TRPC6: variants seen among roughly 807,000 people sequenced by gnomAD.
The protein encoded by TRPC6 is short transient receptor potential channel 6.
TRPC6 carries 55 observed loss-of-function variants against 90.7 expected under a neutral mutation model. That is an observed-to-expected ratio of 0.61 (90% CI 0.49 to 0.76). The LOEUF (loss-of-function observed/expected upper bound fraction) is 0.76. Ranked by LOEUF, TRPC6 falls within the 30% of genes least tolerant of loss-of-function variation. The pLI, the probability that TRPC6 is intolerant of heterozygous loss-of-function variation, is 0.00. For synonymous variants in TRPC6, 393 were observed against 393.0 expected (o/e 1.00, Z 0.00); for missense variants, 989 against 1,122.7 (o/e 0.88, Z 1.70).
At chr11:101,573,542 T>G (rs191919774) in intron 1 of TRPC6, among the ~76,000 whole-genome samples, 1 of 152,282 alleles carries the variant, frequency 6.6e-6, no homozygotes, top group Non-Finnish European at 1.5e-5. Flanking sequence ...ATCTGTGTTT[T>G]CAAGTTAGCT....
intron 1 of TRPC6, among the ~76,000 whole-genome samples, chr11:101,518,137 TG>T (rs1265353236): frequency 6.6e-6 from 1 of 152,222 alleles, no homozygotes; most frequent in African/African-American, 2.4e-5. Context: ...GCCAGATTTT[TG>T]CCACCATTTC....
At chr11:101,580,083 C>G (rs752675088) in intron 1 of TRPC6, among the ~76,000 whole-genome samples, 1 of 152,112 alleles carries the variant, frequency 6.6e-6, no homozygotes, top group Non-Finnish European at 1.5e-5. Context: ...TTCAGATTGT[C>G]TCAGTCAGCT....
At chr11:101,471,048 G>T in intron 9 of TRPC6, 135 bp downstream of exon 9, 1 of 799,390 alleles carries the variant, frequency 1.3e-6, no homozygotes, top group Non-Finnish European at 2.1e-6. Context: ...AAAGGACTGT[G>T]CTGTGTGAAG....
chr11:101,494,014 T>A (rs1269269996), intron 2 of TRPC6, among the ~76,000 whole-genome samples: 1 of 152,216 alleles, frequency 6.6e-6, no homozygotes, highest in Non-Finnish European at 1.5e-5. Flanking sequence ...AATTGTGTCT[T>A]ACCTGAGAAT....
chr11:101,562,931 C>A (rs893870724), intron 1 of TRPC6, among the ~76,000 whole-genome samples: 7 of 152,112 alleles, frequency 4.6e-5, no homozygotes, highest in African/African-American at 1.7e-4. Context: ...TGGATTCCTA[C>A]GTGTAAAACG....
intron 10 of TRPC6, among the ~76,000 whole-genome samples, chr11:101,457,882 ATATC>A (rs1858920996): frequency 6.6e-6 from 1 of 152,226 alleles, no homozygotes; most frequent in Non-Finnish European, 1.5e-5. Context: ...AGAAAGATAA[ATATC>A]TACTATGTGG....
At chr11:101,509,083 G>T (rs1170945990) in intron 1 of TRPC6, among the ~76,000 whole-genome samples, 1 of 150,780 alleles carries the variant, frequency 6.6e-6, no homozygotes, top group African/African-American at 2.4e-5. Context: ...GAAGACCCAT[G>T]AAAAAAAGGC....
intron 1 of TRPC6, among the ~76,000 whole-genome samples, chr11:101,529,920 T>C (rs1860869186): frequency 6.6e-6 from 1 of 152,206 alleles, no homozygotes; most frequent in Non-Finnish European, 1.5e-5. Flanking sequence ...AAGCCATTGA[T>C]CAAAAATGAA....
intron 1 of TRPC6, among the ~76,000 whole-genome samples, chr11:101,560,595 G>C (rs10791501): frequency 0.71 from 108,553 of 151,832 alleles, 39,265 homozygotes; most frequent in East Asian, 0.98. Flanking sequence ...CCACTGCCCT[G>C]AAATACCCGA....
intron 10 of TRPC6, chr11:101,455,314 T>C (rs950302249): frequency 2.4e-5 from 12 of 502,566 alleles, no homozygotes; most frequent in Middle Eastern, 5.6e-4. Context: ...TTAGAGGTTG[T>C]CTGAGGAGTC....
At chr11:101,510,587 C>A (rs1482815292) in intron 1 of TRPC6, among the ~76,000 whole-genome samples, 1 of 152,082 alleles carries the variant, frequency 6.6e-6, no homozygotes, top group Non-Finnish European at 1.5e-5. Context: ...AGGTGTTTAT[C>A]ACAACATATA....
intron 1 of TRPC6, among the ~76,000 whole-genome samples, chr11:101,545,131 T>A (rs1236092585): frequency 6.6e-6 from 1 of 152,092 alleles, no homozygotes; most frequent in Non-Finnish European, 1.5e-5. Flanking sequence ...AACACAAACA[T>A]CATATACAGT....
At chr11:101,563,417 A>C (rs971726179) in intron 1 of TRPC6, among the ~76,000 whole-genome samples, 1 of 152,152 alleles carries the variant, frequency 6.6e-6, no homozygotes, top group East Asian at 1.9e-4. Flanking sequence ...TGTCTGCAAG[A>C]GTGGGGCAGG....
intron 10 of TRPC6, among the ~76,000 whole-genome samples, chr11:101,462,624 T>G (rs942758016): frequency 1.3e-5 from 2 of 152,198 alleles, no homozygotes; most frequent in African/African-American, 2.4e-5. Flanking sequence ...TATGGGTGTA[T>G]AGGAATGCTT....
rs147062525 is a variant in TRPC6, at chr11:101,526,294, G to A, written c.171-21496C>T. Among the ~76,000 whole-genome samples, 53 of 152,180 alleles carry A rather than the reference G, an allele frequency of 3.5e-4. No individual in the cohort carries two copies. The East Asian group carries it at 6.8e-3, about 19-fold the overall frequency. ...TATTCTTACAGAAACTCTCAGTGTC[G>A]ATATCCATGCGAAATGGTATTACAT... On this transcript the variant is annotated intron_variant, in intron 1 of 12. Coordinates refer to ENST00000344327, the MANE Select transcript of TRPC6 (RefSeq NM_004621.6).
At chr11:101,496,266 A>G (rs1384565814) in intron 2 of TRPC6, among the ~76,000 whole-genome samples, 1 of 152,162 alleles carries the variant, frequency 6.6e-6, no homozygotes, top group Admixed American at 6.5e-5. Context: ...AATCCAAACC[A>G]TATCAGTAAG....
At chr11:101,577,500 A>G (rs963401399) in intron 1 of TRPC6, among the ~76,000 whole-genome samples, 1 of 152,182 alleles carries the variant, frequency 6.6e-6, no homozygotes, top group South Asian at 2.1e-4. Context: ...TCTAGGAAAG[A>G]AGGAGAATTT....
chr11:101,569,366 A>G (rs1861905770), intron 1 of TRPC6, among the ~76,000 whole-genome samples: 1 of 152,184 alleles, frequency 6.6e-6, no homozygotes, highest in Admixed American at 6.5e-5. Flanking sequence ...AGATTCATAA[A>G]GCAAGTTCTT....
rs772149909 is a variant in TRPC6 at position 101,452,923 on chromosome 11, A to G, written c.*32T>C. 6.2e-7 allele frequency: 1 copy of G among 1,612,598 alleles called. No individual in the cohort carries two copies. The highest frequency in any genetic ancestry group is 1.1e-5 in the South Asian group (1 of 91,040). Reference sequence around the variant, plus strand: ...AAAATAATATGGCTTCAAGTGGACAAATAAATATGAATTTCTAAGGAAGTC... The same window carrying G: ...AAAATAATATGGCTTCAAGTGGACAGATAAATATGAATTTCTAAGGAAGTC... On this transcript the variant is annotated 3_prime_UTR_variant, in exon 13 of 13. Transcript: ENST00000344327.
Sources: gnomAD v4.1 joint callset for allele counts (sites outside exome capture counted in the v4.1 genomes callset) on GRCh38, gnomAD v4.1.1 for gene constraint, MANE v1.5 for transcripts, NCBI Gene and HGNC (gene_info 2026-07-23, HGNC 2026-07-21) for gene names.